The following SDHC variants were observed in gnomAD, a reference collection of about 807,000 sequenced individuals.
SDHC encodes the protein succinate dehydrogenase complex subunit C, also known as succinate dehydrogenase cytochrome b560 subunit, mitochondrial.
Under a neutral mutation model 22.6 loss-of-function variants are expected in SDHC, and 11 were observed. The observed-to-expected ratio is 0.49, with a 90% CI of 0.31 to 0.81. The LOEUF is 0.81. SDHC is among the 30% of genes least tolerant of loss of function. The pLI is 0.05. For missense variants in SDHC, 160 were observed against 212.0 expected (o/e 0.75, Z 1.52); for synonymous variants, 80 against 77.8 (o/e 1.03, Z -0.15).
At chr1:161,360,791 C>CA (rs1672481104) in intron 5 of SDHC, among the ~76,000 whole-genome samples, 1 of 150,620 alleles carries the variant, frequency 6.6e-6, no homozygotes, top group African/African-American at 2.4e-5. Context: ...ATGCTACCAA[C>CA]AAAAAAAGAA....
chr1:161,317,928 C>G (rs533135764), intron 1 of SDHC, among the ~76,000 whole-genome samples: 1 of 151,924 alleles, frequency 6.6e-6, no homozygotes, highest in Non-Finnish European at 1.5e-5. Flanking sequence ...AATCCCAGCA[C>G]TTTGGGAGGC....
At chr1:161,320,951 C>T (rs1670815080) in intron 1 of SDHC, among the ~76,000 whole-genome samples, 1 of 151,884 alleles carries the variant, frequency 6.6e-6, no homozygotes, top group Admixed American at 6.6e-5. Flanking sequence ...CTCAGCCTCC[C>T]GAGTAGCTGG....
At chr1:161,351,398 C>G (rs1425924720) in intron 4 of SDHC, among the ~76,000 whole-genome samples, 1 of 152,150 alleles carries the variant, frequency 6.6e-6, no homozygotes, top group Non-Finnish European at 1.5e-5. Flanking sequence ...GCTACATCAT[C>G]ATTTCTTTTT....
At chr1:161,316,318 C>A (rs957275602) in intron 1 of SDHC, among the ~76,000 whole-genome samples, 2 of 152,246 alleles carry the variant, frequency 1.3e-5, no homozygotes. Context: ...TTGGACAATA[C>A]CTGGCTTTCC....
chr1:161,335,340 AT>A (rs1671435215), intron 3 of SDHC, among the ~76,000 whole-genome samples: 1 of 152,164 alleles, frequency 6.6e-6, no homozygotes, highest in Non-Finnish European at 1.5e-5. Context: ...ATTAATACAT[AT>A]TTTGGCGGGA....
At chr1:161,314,828 T>A in intron 1 of SDHC, 1 of 216,120 alleles carries the variant, frequency 4.6e-6, no homozygotes, top group East Asian at 1.1e-4. Flanking sequence ...GATCTTCGTG[T>A]ATTTTGCCTT....
At chr1:161,346,638 T>C (rs550432869) in intron 4 of SDHC, among the ~76,000 whole-genome samples, 1 of 152,264 alleles carries the variant, frequency 6.6e-6, no homozygotes, top group East Asian at 1.9e-4. Flanking sequence ...CCTCAGGTGT[T>C]CTGCCCACTT....
intron 5 of SDHC, among the ~76,000 whole-genome samples, chr1:161,360,974 A>G (rs1672487354): frequency 6.6e-6 from 1 of 152,012 alleles, no homozygotes; most frequent in South Asian, 2.1e-4. Context: ...TTAGCTTGGC[A>G]TGGTGGCATG....
intron 4 of SDHC, among the ~76,000 whole-genome samples, chr1:161,346,771 T>C (rs1671914018): frequency 1.3e-5 from 2 of 152,136 alleles, no homozygotes; most frequent in Non-Finnish European, 2.9e-5. Flanking sequence ...TTATTATCTG[T>C]TGGAGATTGG....
intron 3 of SDHC, among the ~76,000 whole-genome samples, chr1:161,337,912 A>G (rs895313656): frequency 6.6e-6 from 1 of 152,322 alleles, no homozygotes; most frequent in Non-Finnish European, 1.5e-5. Flanking sequence ...TTTCATGCTG[A>G]TAATTATTCT....
chr1:161,337,566 T>G (rs1671544822), intron 3 of SDHC, among the ~76,000 whole-genome samples: 1 of 152,202 alleles, frequency 6.6e-6, no homozygotes, highest in African/African-American at 2.4e-5. Flanking sequence ...ATGACAAGAT[T>G]CTGGAAGATC....
chr1:161,326,072 T>C (rs1671035890), intron 2 of SDHC, among the ~76,000 whole-genome samples: 1 of 151,980 alleles, frequency 6.6e-6, no homozygotes, highest in Non-Finnish European at 1.5e-5. Context: ...CGCGGTGGCA[T>C]GTGCCTGTAG....
At chr1:161,327,723 G>A (rs1465846625) in intron 2 of SDHC, among the ~76,000 whole-genome samples, 2 of 151,578 alleles carry the variant, frequency 1.3e-5, no homozygotes, top group African/African-American at 2.4e-5. Flanking sequence ...CAACACACCC[G>A]GCTAATTTTT....
At position 161,358,290 on chromosome 1, in the gene SDHC, A is replaced by AT. The variant is rs879944373; in HGVS notation, c.405+1463dup. Among the ~76,000 whole-genome samples, 470 of 143,482 alleles carry AT rather than the reference A, an allele frequency of 3.3e-3. 1 individual carries two copies. Among genetic ancestry groups the AT allele is most frequent in the African/African-American group, 7.6e-3 (299 of 39,334 alleles). The allele number at this position is 143,482 out of a possible 152,430, so 94.1% of individuals were successfully genotyped here. On this transcript the variant is annotated intron_variant, in intron 5 of 5. Transcript: ENST00000367975. ...AGGTGCCTGCCACCACACCCAGCAA[A>AT]TTTTTTTTTTTTTGTATTTTTTAGT...
chr1:161,334,018 C>T (rs558601788), intron 3 of SDHC, among the ~76,000 whole-genome samples: 3 of 152,304 alleles, frequency 2.0e-5, no homozygotes, highest in South Asian at 2.1e-4. Context: ...TTACTGCAAA[C>T]GTTGTGACTT....
chr1:161,315,501 C>T (rs1411758165), intron 1 of SDHC, among the ~76,000 whole-genome samples: 1 of 152,066 alleles, frequency 6.6e-6, no homozygotes, highest in Non-Finnish European at 1.5e-5. Flanking sequence ...ATGGTTTGAC[C>T]ATAATTGAAT....
intron 4 of SDHC, among the ~76,000 whole-genome samples, chr1:161,344,244 T>C (rs4077289): frequency 0.12 from 17,799 of 152,076 alleles, 1,418 homozygotes; most frequent in African/African-American, 0.22. Context: ...GAGCTGAGAT[T>C]GCGCCACTGC....
intron 2 of SDHC, among the ~76,000 whole-genome samples, chr1:161,324,750 T>C (rs1670987796): frequency 6.6e-6 from 1 of 152,210 alleles, no homozygotes; most frequent in Non-Finnish European, 1.5e-5. Flanking sequence ...CATTTACTTC[T>C]AAATATTTCT....
chr1:161,328,715 A>G (rs1671165694), intron 3 of SDHC, among the ~76,000 whole-genome samples: 1 of 152,230 alleles, frequency 6.6e-6, no homozygotes, highest in Non-Finnish European at 1.5e-5. Context: ...TTACAAGGGT[A>G]ATCTATTTTG....
Sources: gnomAD v4.1 joint callset for allele counts (sites outside exome capture counted in the v4.1 genomes callset) on GRCh38, gnomAD v4.1.1 for gene constraint, MANE v1.5 for transcripts, NCBI Gene and HGNC (gene_info 2026-07-23, HGNC 2026-07-21) for gene names.